HHAT: variants seen among roughly 807,000 people sequenced by gnomAD.
HHAT encodes the protein hedgehog acyltransferase.
In HHAT, 47 loss-of-function variants were observed where a neutral mutation model predicts 70.8. The observed-to-expected ratio is 0.66, with a 90% CI of 0.53 to 0.85. HHAT has a LOEUF of 0.85. Among genes scored for constraint, HHAT ranks in the 40% least tolerant of loss-of-function variants. The pLI, the probability that HHAT is intolerant of heterozygous loss-of-function variation, is 0.00. For missense variants in HHAT, 609 were observed against 604.8 expected, an observed-to-expected ratio of 1.01 and a Z score of -0.07; for synonymous variants, 228 against 247.6, an observed-to-expected ratio of 0.92 and a Z score of 0.74.
chr1:210,535,406 A>G (rs551769613), intron 9 of HHAT, among the ~76,000 whole-genome samples: 2 of 151,522 alleles, frequency 1.3e-5, no homozygotes, highest in South Asian at 4.2e-4. Flanking sequence ...ACTGTGGGGG[A>G]AGGGGACTGG....
intron 9 of HHAT, among the ~76,000 whole-genome samples, chr1:210,549,894 C>A (rs2095514314): frequency 6.7e-6 from 1 of 148,766 alleles, no homozygotes. Context: ...TTGAATCATA[C>A]TACTCACTTG....
At chr1:210,503,538 C>A (rs959446216) in intron 8 of HHAT, among the ~76,000 whole-genome samples, 1 of 152,226 alleles carries the variant, frequency 6.6e-6, no homozygotes, top group African/African-American at 2.4e-5. Flanking sequence ...TCTAAATCTT[C>A]TGTACCTATC....
chr1:210,477,355 C>T (rs1227803681), intron 8 of HHAT, among the ~76,000 whole-genome samples: 2 of 152,232 alleles, frequency 1.3e-5, no homozygotes, highest in Non-Finnish European at 2.9e-5. Flanking sequence ...CTGCCTTCTT[C>T]CCACTGTTTC....
chr1:210,633,441 C>G (rs1671257719), intron 11 of HHAT, among the ~76,000 whole-genome samples: 2 of 152,188 alleles, frequency 1.3e-5, no homozygotes, highest in Non-Finnish European at 1.5e-5. Flanking sequence ...GGAAAGCCAG[C>G]CTTCTGGTTC....
intron 10 of HHAT, among the ~76,000 whole-genome samples, chr1:210,611,219 C>G (rs1046787284): frequency 2.0e-5 from 3 of 152,070 alleles, no homozygotes; most frequent in African/African-American, 7.2e-5. Context: ...TGAAGAGGTC[C>G]TTCACTTCCC....
intron 9 of HHAT, among the ~76,000 whole-genome samples, chr1:210,578,874 A>G (rs919157023): frequency 6.6e-6 from 1 of 152,234 alleles, no homozygotes; most frequent in Non-Finnish European, 1.5e-5. Context: ...TTACTGTAGC[A>G]CTATTCACAA....
chr1:210,357,070 A>G (rs916484781), intron 2 of HHAT, among the ~76,000 whole-genome samples: 2 of 152,232 alleles, frequency 1.3e-5, no homozygotes, highest in Non-Finnish European at 2.9e-5. Flanking sequence ...GATGCTTCAC[A>G]TTATATTTGG....
intron 8 of HHAT, among the ~76,000 whole-genome samples, chr1:210,490,356 C>T (rs560188471): frequency 5.9e-4 from 90 of 152,350 alleles, no homozygotes; most frequent in Non-Finnish European, 1.1e-3. Flanking sequence ...CATATCTTCT[C>T]TACCAGAAAT....
chr1:210,655,234 C>T (rs1428093124), intron 11 of HHAT, among the ~76,000 whole-genome samples: 2 of 152,198 alleles, frequency 1.3e-5, no homozygotes, highest in African/African-American at 4.8e-5. Context: ...CCCTGCCACT[C>T]CAGCTGCCTG....
intron 5 of HHAT, among the ~76,000 whole-genome samples, chr1:210,402,524 A>G (rs1053613814): frequency 2.0e-5 from 3 of 152,190 alleles, no homozygotes; most frequent in Non-Finnish European, 4.4e-5. Context: ...CAGTCTCTAA[A>G]GGTAAGAAAT....
In HHAT at chr1:210,431,382, C is replaced by T. The variant is rs537445047; in HGVS notation, c.856+13057C>T. ...GGTTCTACCAGGGTAAAGACATGCA[C>T]GACCGCTCGCCCATTTTTCTGCTCT... On this transcript the variant is annotated intron_variant, in intron 7 of 11. Coordinates refer to ENST00000261458, the MANE Select transcript of HHAT (RefSeq NM_018194.6). Among the ~76,000 whole-genome samples the T allele has an allele frequency of 5.3e-5, 8 of 151,822 alleles. 1 individual carries two copies. The highest frequency in any genetic ancestry group is 1.7e-4 in the African/African-American group (7 of 41,154).
chr1:210,458,499 G>A (rs2093915770), intron 7 of HHAT, among the ~76,000 whole-genome samples: 1 of 152,076 alleles, frequency 6.6e-6, no homozygotes, highest in African/African-American at 2.4e-5. Flanking sequence ...TTTTAGCTGG[G>A]GCAGTTAGAA....
intron 2 of HHAT, among the ~76,000 whole-genome samples, chr1:210,354,193 GTCT>G (rs2087357950): frequency 9.7e-6 from 1 of 103,618 alleles, no homozygotes; most frequent in African/African-American, 3.7e-5. Context: ...TAAACATAAT[GTCT>G]TTTTTTTTTT....
At position 210,630,376 on chromosome 1, in the gene HHAT, C is replaced by G. The variant is rs1670634748; in HGVS notation, c.1390+6706C>G. The stretch of plus-strand genomic sequence containing the variant: ...GCAATTGCTATGGTGCAGAACACCC[C>G]TTGGTGACACCACTACCATAGCTTC... On this transcript the variant is annotated intron_variant, in intron 11 of 11. Transcript: ENST00000261458. 2.0e-5 allele frequency among the ~76,000 whole-genome samples: 3 copies of G among 152,184 alleles called. No individual in the cohort carries two copies. The South Asian group carries it at 6.2e-4, about 32-fold the overall frequency.
intron 7 of HHAT, among the ~76,000 whole-genome samples, chr1:210,420,386 G>A (rs999340004): frequency 2.0e-5 from 3 of 152,050 alleles, no homozygotes; most frequent in East Asian, 1.9e-4. Context: ...TTATTTGTCC[G>A]TTCTACATAT....
At chr1:210,485,815 G>A (rs962895700) in intron 8 of HHAT, among the ~76,000 whole-genome samples, 11 of 152,016 alleles carry the variant, frequency 7.2e-5, no homozygotes, top group South Asian at 4.1e-4. Flanking sequence ...TTCTCCCACC[G>A]GGTCCCTCCC....
chr1:210,660,075 C>A (rs1280588368), intron 11 of HHAT, among the ~76,000 whole-genome samples: 1 of 151,974 alleles, frequency 6.6e-6, no homozygotes, highest in Non-Finnish European at 1.5e-5. Flanking sequence ...CCAGGGCAAT[C>A]AGGAGAAAGA....
chr1:210,499,524 T>TC (rs1247846000), intron 8 of HHAT, among the ~76,000 whole-genome samples: 2 of 152,176 alleles, frequency 1.3e-5, no homozygotes, highest in African/African-American at 4.8e-5. Flanking sequence ...CTTTAGTTAG[T>TC]CCCAGCTACT....
intron 9 of HHAT, among the ~76,000 whole-genome samples, chr1:210,574,227 G>A (rs1657091806): frequency 1.3e-5 from 2 of 152,216 alleles, no homozygotes; most frequent in Non-Finnish European, 2.9e-5. Context: ...TTTCCTGGAA[G>A]TGAATGTTAA....
Sources: gnomAD v4.1 joint callset for allele counts (sites outside exome capture counted in the v4.1 genomes callset) on GRCh38, gnomAD v4.1.1 for gene constraint, MANE v1.5 for transcripts, NCBI Gene and HGNC (gene_info 2026-07-23, HGNC 2026-07-21) for gene names.